SH3GL2: variants seen among roughly 807,000 people sequenced by gnomAD.
The protein encoded by SH3GL2 is SH3 domain containing GRB2 like 2, endophilin A1, also known as endophilin-A1.
In SH3GL2, 24 loss-of-function variants were observed where a neutral mutation model predicts 46.0. The ratio of observed to expected loss-of-function variants is 0.52; its 90% CI spans 0.38 to 0.73. The LOEUF is 0.73. SH3GL2 is among the 30% of genes least tolerant of loss of function. SH3GL2 has a pLI of 0.00. For missense variants in SH3GL2, 413 were observed against 424.2 expected (o/e 0.97, Z 0.23); for synonymous variants, 196 against 147.1 (o/e 1.33, Z -2.40).
At chr9:17,792,846 T>C (rs1007001915) in intron 7 of SH3GL2, among the ~76,000 whole-genome samples, 3 of 152,236 alleles carry the variant, frequency 2.0e-5, no homozygotes, top group African/African-American at 7.2e-5. Flanking sequence ...CTAAAATTTA[T>C]AGTAATCAGT....
chr9:17,770,541 C>G (rs547518439), intron 3 of SH3GL2, among the ~76,000 whole-genome samples: 2 of 151,788 alleles, frequency 1.3e-5, no homozygotes, highest in African/African-American at 4.8e-5. Flanking sequence ...TTGCTGCTAA[C>G]CAATAAATAT....
chr9:17,698,167 C>T (rs538419348), intron 1 of SH3GL2, among the ~76,000 whole-genome samples: 3 of 152,312 alleles, frequency 2.0e-5, no homozygotes, highest in East Asian at 3.9e-4. Flanking sequence ...GAAGACTTTG[C>T]AGTCCTGGCT....
At chr9:17,671,500 G>A (rs939451557) in intron 1 of SH3GL2, among the ~76,000 whole-genome samples, 7 of 152,082 alleles carry the variant, frequency 4.6e-5, no homozygotes, top group East Asian at 1.9e-4. Flanking sequence ...TAGATTGATT[G>A]TATCACAGAG....
chr9:17,779,471 T>G (rs1245345908), intron 3 of SH3GL2, among the ~76,000 whole-genome samples: 1 of 152,112 alleles, frequency 6.6e-6, no homozygotes, highest in African/African-American at 2.4e-5. Context: ...TTCCAGGCTC[T>G]CTGAGGTTCC....
intron 3 of SH3GL2, among the ~76,000 whole-genome samples, chr9:17,770,361 A>G (rs556164673): frequency 6.6e-6 from 1 of 152,308 alleles, no homozygotes; most frequent in East Asian, 1.9e-4. Flanking sequence ...AGATATTACT[A>G]TCTCCAAGGC....
chr9:17,640,698 G>A (rs10963180), intron 1 of SH3GL2, among the ~76,000 whole-genome samples: 3,909 of 152,202 alleles, frequency 0.026, 73 homozygotes, highest in Middle Eastern at 0.058. Flanking sequence ...CTCATTTCTC[G>A]GAGACAAGGT....
intron 1 of SH3GL2, among the ~76,000 whole-genome samples, chr9:17,631,278 G>T (rs565841136): frequency 6.6e-6 from 1 of 152,308 alleles, no homozygotes; most frequent in Non-Finnish European, 1.5e-5. Flanking sequence ...GAGGGATGTT[G>T]AGAGGAGAGT....
At chr9:17,698,122 A>G (rs1193485666) in intron 1 of SH3GL2, among the ~76,000 whole-genome samples, 1 of 152,206 alleles carries the variant, frequency 6.6e-6, no homozygotes, top group Non-Finnish European at 1.5e-5. Flanking sequence ...GTGAAAGGGA[A>G]TATTACATAT....
intron 6 of SH3GL2, among the ~76,000 whole-genome samples, chr9:17,790,087 C>G (rs1824080317): frequency 6.6e-6 from 1 of 152,116 alleles, no homozygotes. Context: ...GTCCCAGAGT[C>G]CAAAGGCCAG....
intron 1 of SH3GL2, among the ~76,000 whole-genome samples, chr9:17,693,933 A>T (rs1821143417): frequency 6.6e-6 from 1 of 152,180 alleles, no homozygotes; most frequent in Non-Finnish European, 1.5e-5. Flanking sequence ...TGTATAGTGG[A>T]GAAGAGGAAG....
At chr9:17,617,827 G>T (rs568618590) in intron 1 of SH3GL2, among the ~76,000 whole-genome samples, 10 of 152,074 alleles carry the variant, frequency 6.6e-5, no homozygotes, top group Non-Finnish European at 1.3e-4. Context: ...TTGGAAGGTT[G>T]TATGTCAGGA....
chr9:17,756,139 C>T (rs891963942), intron 2 of SH3GL2, among the ~76,000 whole-genome samples: 1 of 151,936 alleles, frequency 6.6e-6, no homozygotes, highest in African/African-American at 2.4e-5. Context: ...TGTTTTCCAA[C>T]AAAACTTTAT....
At chr9:17,679,736 G>C (rs1820717846) in intron 1 of SH3GL2, among the ~76,000 whole-genome samples, 1 of 152,158 alleles carries the variant, frequency 6.6e-6, no homozygotes, top group Non-Finnish European at 1.5e-5. Context: ...TCCAGGTTTT[G>C]CCCATTCAGT....
At chr9:17,654,371 G>A (rs993025933) in intron 1 of SH3GL2, among the ~76,000 whole-genome samples, 7 of 152,090 alleles carry the variant, frequency 4.6e-5, no homozygotes, top group South Asian at 4.1e-4. Flanking sequence ...GGGGATTGTC[G>A]TATTGTTTTG....
chr9:17,584,993 C>A (rs1016844370), intron 1 of SH3GL2, among the ~76,000 whole-genome samples: 3 of 152,076 alleles, frequency 2.0e-5, no homozygotes. Flanking sequence ...ATTAGAAGTA[C>A]CCTAGAAAAT....
At chr9:17,658,614 C>T (rs1380757306) in intron 1 of SH3GL2, among the ~76,000 whole-genome samples, 1 of 152,226 alleles carries the variant, frequency 6.6e-6, no homozygotes, top group African/African-American at 2.4e-5. Flanking sequence ...CAATTTTAAA[C>T]TTAAACTAGA....
intron 1 of SH3GL2, among the ~76,000 whole-genome samples, chr9:17,681,660 A>T (rs1820770364): frequency 6.6e-6 from 1 of 152,234 alleles, no homozygotes; most frequent in South Asian, 2.1e-4. Flanking sequence ...CTTCATGACA[A>T]AAATGCCAAA....
chr9:17,737,179 A>G lies in SH3GL2; in HGVS notation c.46-9887A>G, dbSNP rs538310477. On this transcript the variant is annotated intron_variant, in intron 1 of 8. Transcript: ENST00000380607. ...AGAACACATGGACACAGAGAGGGGA[A>G]CACCACACACTGGCGCCTGTCAGGG... Among the ~76,000 whole-genome samples, 4 of 152,042 alleles carry G rather than the reference A, an allele frequency of 2.6e-5. No homozygotes were observed. In the East Asian group the frequency reaches 7.8e-4, roughly 30 times the overall value.
intron 1 of SH3GL2, among the ~76,000 whole-genome samples, chr9:17,671,601 A>T (rs1276208481): frequency 6.6e-6 from 1 of 152,168 alleles, no homozygotes; most frequent in African/African-American, 2.4e-5. Flanking sequence ...TGTACCCCAT[A>T]CATATACCCA....
Sources: gnomAD v4.1 joint callset for allele counts (sites outside exome capture counted in the v4.1 genomes callset) on GRCh38, gnomAD v4.1.1 for gene constraint, MANE v1.5 for transcripts, NCBI Gene and HGNC (gene_info 2026-07-23, HGNC 2026-07-21) for gene names.